PCNX2: variants seen among roughly 807,000 people sequenced by gnomAD.
PCNX2 encodes pecanex 2.
In PCNX2, 168 loss-of-function variants were observed where a neutral mutation model predicts 223.8. That is an observed-to-expected ratio of 0.75 (90% CI 0.66 to 0.85). The LOEUF (loss-of-function observed/expected upper bound fraction) is 0.85, where lower values mean the gene tolerates loss of function less well. Among genes scored for constraint, PCNX2 ranks in the 40% least tolerant of loss-of-function variants. The probability of loss-of-function intolerance (pLI) is 0.00; values close to 1 mark genes in which losing one functional copy is unlikely to be tolerated. For synonymous variants in PCNX2, 1,006 were observed against 1,052.6 expected, an observed-to-expected ratio of 0.96 and a Z score of 0.86; for missense variants, 2,507 against 2,675.5, an observed-to-expected ratio of 0.94 and a Z score of 1.39.
At chr1:233,318,557 CTTTTTCT>C in the PCNX2 span, among the ~76,000 whole-genome samples, 1 of 108,964 alleles carries the variant, frequency 9.2e-6, no homozygotes, top group African/African-American at 3.6e-5. Context: ...TTTTCTTTTT[CTTTTTCT>C]TTTTTTTTTT....
At chr1:233,099,514 C>T (rs550239718) in intron 21 of PCNX2, among the ~76,000 whole-genome samples, 334 of 152,326 alleles carry the variant, frequency 2.2e-3, no homozygotes, top group Non-Finnish European at 3.6e-3. Flanking sequence ...TGCTGGCTTA[C>T]TTGTGCTTCT....
intron 19 of PCNX2, among the ~76,000 whole-genome samples, chr1:233,147,207 T>G (rs1018586801): frequency 2.6e-5 from 4 of 152,188 alleles, no homozygotes; most frequent in African/African-American, 9.7e-5. Context: ...GAATTTAACG[T>G]TGACTCCCCC....
intron 15 of PCNX2, among the ~76,000 whole-genome samples, chr1:233,189,753 C>G (rs767262892): frequency 6.6e-6 from 1 of 152,142 alleles, no homozygotes; most frequent in African/African-American, 2.4e-5. Flanking sequence ...GCTTCAACCT[C>G]TGGATCCCCT....
intron 9 of PCNX2, among the ~76,000 whole-genome samples, chr1:233,227,644 T>A (rs1157607785): frequency 6.6e-6 from 1 of 152,164 alleles, no homozygotes; most frequent in African/African-American, 2.4e-5. Flanking sequence ...CTGCTACTCA[T>A]CACGTCAAAA....
Position 233,262,127 on chromosome 1 carries a change from G to T in PCNX2, c.398C>A (p.Ala133Asp). 1.2e-6 allele frequency: 2 copies of T among 1,613,720 alleles called. No individual in the cohort carries two copies. The highest frequency in any genetic ancestry group is 2.2e-5 in the South Asian group (2 of 91,072). The change falls in exon 3 of 34, where the codon GCC becomes GAC. Residue 133 changes from alanine (A) to aspartate (D), a missense_variant. Ala to Asp is a moderately radical substitution (Grantham distance 126). This residue lies in a region of PCNX2 where 1,031 missense variants were observed against 1,021.7 expected (regional missense o/e 1.01). Coordinates refer to ENST00000258229, the MANE Select transcript of PCNX2 (RefSeq NM_014801.4). ...GGGAGGCGTGGAGAGGTTTCGACTG[G>T]CCTCTTCCTTTTTGCCATTGTGAAT... ...RQIHNGKKEEASRNLSTPPLR... is the reference protein window; with the variant it reads ...RQIHNGKKEEDSRNLSTPPLR...
chr1:233,030,118 AG>A (rs1415882035), intron 25 of PCNX2, among the ~76,000 whole-genome samples: 1 of 152,086 alleles, frequency 6.6e-6, no homozygotes, highest in Non-Finnish European at 1.5e-5. Context: ...GGTCTCTGTA[AG>A]TTTTCTTTAG....
chr1:233,218,956 A>AGCC (rs1657201597), intron 10 of PCNX2, among the ~76,000 whole-genome samples: 1 of 152,136 alleles, frequency 6.6e-6, no homozygotes, highest in South Asian at 2.1e-4. Context: ...AAATTTCAGG[A>AGCC]GCCAGGAGAG....
intron 8 of PCNX2, among the ~76,000 whole-genome samples, chr1:233,244,461 G>GAACTTTGGGAAGGTGAGGAGGGCAAAT (rs1409509376): frequency 6.6e-6 from 1 of 152,062 alleles, no homozygotes; most frequent in Non-Finnish European, 1.5e-5. Context: ...TATAATCCCA[G>GAACTTTGGGAAGGTGAGGAGGGCAAAT]AACTTTGGGA....
At chr1:233,182,994 C>T (rs1478324593) in intron 15 of PCNX2, among the ~76,000 whole-genome samples, 1 of 152,108 alleles carries the variant, frequency 6.6e-6, no homozygotes. Flanking sequence ...TCTGCTAAGT[C>T]ACAAGGACAG....
chr1:233,306,157 A>G, the PCNX2 span, among the ~76,000 whole-genome samples: 2 of 152,342 alleles, frequency 1.3e-5, no homozygotes, highest in Admixed American at 1.3e-4. Context: ...GTTTTTACTA[A>G]GAAAAAGAAA....
chr1:233,033,584 A>G (rs1340266045), intron 25 of PCNX2, among the ~76,000 whole-genome samples: 2 of 152,256 alleles, frequency 1.3e-5, no homozygotes, highest in African/African-American at 4.8e-5. Context: ...ATTGTGCAAT[A>G]TGGTGAACAA....
At chr1:233,260,580 C>T (rs899083073) in intron 4 of PCNX2, among the ~76,000 whole-genome samples, 1 of 151,966 alleles carries the variant, frequency 6.6e-6, no homozygotes. Context: ...TAATGGGATA[C>T]AACTGAATGA....
intron 15 of PCNX2, among the ~76,000 whole-genome samples, chr1:233,197,412 A>C (rs1337263239): frequency 6.6e-6 from 1 of 152,192 alleles, no homozygotes; most frequent in Non-Finnish European, 1.5e-5. Context: ...ACAAGGACTC[A>C]GAAAATACTC....
chr1:233,306,395 C>T, the PCNX2 span, among the ~76,000 whole-genome samples: 21 of 152,156 alleles, frequency 1.4e-4, no homozygotes, highest in African/African-American at 4.8e-4. Flanking sequence ...TCTTGGGCAA[C>T]AACATGTAGA....
At chr1:233,153,104 T>C (rs1677915702) in intron 19 of PCNX2, among the ~76,000 whole-genome samples, 1 of 152,204 alleles carries the variant, frequency 6.6e-6, no homozygotes, top group Non-Finnish European at 1.5e-5. Context: ...CCTCAGACTT[T>C]CTAGCAGCAG....
chr1:233,038,751 C>T (rs1208903363), intron 25 of PCNX2, among the ~76,000 whole-genome samples: 1 of 152,158 alleles, frequency 6.6e-6, no homozygotes, highest in Non-Finnish European at 1.5e-5. Context: ...TATTGCTCTG[C>T]ATGGATTAGC....
In PCNX2 at chr1:233,134,926, A is replaced by G. The variant is rs779783403; in HGVS notation, c.3837+87T>C. Reference sequence around the variant, plus strand: ...CATATCCTCCCATAATTTTTTTTATAAAGAATAAGTTTTAAACTCTTAAAA... The same window carrying G: ...CATATCCTCCCATAATTTTTTTTATGAAGAATAAGTTTTAAACTCTTAAAA... On this transcript the variant is annotated intron_variant, in intron 21 of 33. Transcript: ENST00000258229. 4.4e-5 allele frequency: 51 copies of G among 1,167,248 alleles called. No homozygotes were observed. In the East Asian group the frequency reaches 1.2e-3, roughly 28 times the overall value. The allele number at this position is 1,167,248 out of a possible 1,614,324, so 72.3% of individuals were successfully genotyped here.
intron 23 of PCNX2, among the ~76,000 whole-genome samples, chr1:233,083,395 C>G (rs144285939): frequency 1.4e-4 from 22 of 152,276 alleles, no homozygotes; most frequent in African/African-American, 5.3e-4. Flanking sequence ...CAGGTGATAT[C>G]ACAAGGAGCC....
At chr1:233,034,337 CT>C (rs1314641201) in intron 25 of PCNX2, among the ~76,000 whole-genome samples, 5 of 152,148 alleles carry the variant, frequency 3.3e-5, no homozygotes, top group African/African-American at 1.2e-4. Flanking sequence ...TGCTCTCTCT[CT>C]GTTATGTGAG....
Sources: allele counts gnomAD v4.1 joint callset (sites outside exome capture counted in the v4.1 genomes callset), GRCh38; gene constraint gnomAD v4.1.1; regional missense constraint gnomAD v4.1.1; transcripts MANE v1.5; gene names NCBI Gene and HGNC (gene_info 2026-07-23, HGNC 2026-07-21).